Variants in PBRM1 observed in about 807,000 individuals in gnomAD.
PBRM1 encodes the protein polybromo 1, also known as protein polybromo-1.
A neutral mutation model predicts 194.5 loss-of-function variants in PBRM1; 27 were observed. The observed-to-expected ratio is 0.14, with a 90% CI of 0.10 to 0.19. PBRM1 has a LOEUF of 0.19. Ranked by LOEUF, PBRM1 falls within the 10% of genes least tolerant of loss-of-function variation. The pLI is 1.00. For missense variants in PBRM1, 1,466 were observed against 2,077.2 expected, an observed-to-expected ratio of 0.71 and a Z score of 5.72; for synonymous variants, 655 against 693.2, an observed-to-expected ratio of 0.94 and a Z score of 0.87.
At chr3:52,604,586 G>T (rs556613707) in intron 16 of PBRM1, among the ~76,000 whole-genome samples, 1 of 152,062 alleles carries the variant, frequency 6.6e-6, no homozygotes, top group East Asian at 1.9e-4. Context: ...CTAGCTATCC[G>T]GGAAGCTGAG....
intron 18 of PBRM1, 105 bp downstream of exon 20, chr3:52,588,965 G>C: frequency 1.3e-6 from 1 of 745,986 alleles, no homozygotes; most frequent in Non-Finnish European, 2.3e-6. Flanking sequence ...CAATTATTAT[G>C]GAAAGGCTTA....
intron 4 of PBRM1, among the ~76,000 whole-genome samples, chr3:52,658,726 C>T (rs969609050): frequency 1.3e-5 from 2 of 152,142 alleles, no homozygotes; most frequent in South Asian, 4.1e-4. Flanking sequence ...CTTATTTTAA[C>T]TCCAAATTTC....
intron 17 of PBRM1, among the ~76,000 whole-genome samples, chr3:52,595,197 ATTT>A (rs953732217): frequency 2.0e-5 from 3 of 147,048 alleles, no homozygotes; most frequent in African/African-American, 7.5e-5. Context: ...TCCTTTGGCT[ATTT>A]TTTTTTTCAT....
At chr3:52,601,595 G>T (rs1361109083) in intron 17 of PBRM1, among the ~76,000 whole-genome samples, 2 of 152,016 alleles carry the variant, frequency 1.3e-5, no homozygotes, top group African/African-American at 4.8e-5. Flanking sequence ...TGGGGGGTGG[G>T]GAGGAGGTGG....
At chr3:52,584,996 TAATCTTTCCTTTGATCTAATGG>T (rs1247003959) in intron 20 of PBRM1, among the ~76,000 whole-genome samples, 5 of 152,162 alleles carry the variant, frequency 3.3e-5, no homozygotes, top group African/African-American at 1.2e-4. Context: ...CTCTACCAAA[TAATCTTTCCTTTGATCTAATGG>T]AATAATGAAT....
chr3:52,677,094 C>A (rs2154048568), intron 2 of PBRM1, among the ~76,000 whole-genome samples: 1 of 152,238 alleles, frequency 6.6e-6, no homozygotes, highest in African/African-American at 2.4e-5. Context: ...TCCAAGAGAA[C>A]CCTGATTAAT....
intron 27 of PBRM1, 105 bp downstream of exon 29, chr3:52,554,619 G>T (rs2081824880): frequency 1.1e-6 from 1 of 925,444 alleles, no homozygotes; most frequent in Non-Finnish European, 1.6e-6. Flanking sequence ...GGGAGGGAAG[G>T]CCTGGCCACA....
intron 27 of PBRM1, among the ~76,000 whole-genome samples, chr3:52,553,818 C>T (rs919386232): frequency 1.2e-4 from 18 of 152,080 alleles, no homozygotes; most frequent in African/African-American, 4.1e-4. Context: ...CCCGCCACCA[C>T]GCCCAGCTAA....
At chr3:52,618,054 T>G (rs746319303) in intron 13 of PBRM1, among the ~76,000 whole-genome samples, 3 of 152,216 alleles carry the variant, frequency 2.0e-5, no homozygotes, top group Non-Finnish European at 4.4e-5. Flanking sequence ...AAAAGGAGAC[T>G]GCCAGACTAG....
At chr3:52,597,871 T>G (rs572258266) in intron 17 of PBRM1, among the ~76,000 whole-genome samples, 81 of 152,272 alleles carry the variant, frequency 5.3e-4, no homozygotes, top group African/African-American at 1.8e-3. Flanking sequence ...ACCCGGCTAA[T>G]TTTTGTATTT....
At chr3:52,624,754 T>C in intron 13 of PBRM1, 143 bp downstream of exon 15, 1 of 630,524 alleles carries the variant, frequency 1.6e-6, no homozygotes, top group East Asian at 2.7e-5. Context: ...TGTACTGCTT[T>C]CTTTATTCAT....
intron 22 of PBRM1, among the ~76,000 whole-genome samples, chr3:52,576,214 C>T (rs373656871): frequency 6.6e-6 from 1 of 151,510 alleles, no homozygotes; most frequent in Admixed American, 6.6e-5. Flanking sequence ...AAGACATGAA[C>T]AAAAAAAACT....
chr3:52,676,945 AAAG>A (rs1246427237), intron 2 of PBRM1, among the ~76,000 whole-genome samples: 1 of 152,208 alleles, frequency 6.6e-6, no homozygotes, highest in Admixed American at 6.5e-5. Context: ...TGAACTTGAG[AAAG>A]ATGATTTAGG....
intron 13 of PBRM1, 22 bp from the exon 15 acceptor site, chr3:52,624,963 T>C (rs569430859): frequency 1.3e-6 from 2 of 1,529,570 alleles, no homozygotes; most frequent in East Asian, 2.4e-5. Context: ...GAAACAAACA[T>C]TACATGTAAA....
At chr3:52,614,400 C>CAAAAAAAAAAAA (rs1482035931) in intron 15 of PBRM1, among the ~76,000 whole-genome samples, 1 of 98,040 alleles carries the variant, frequency 1.0e-5, no homozygotes, top group African/African-American at 3.4e-5. Context: ...AAAAAAAAAG[C>CAAAAAAAAAAAA]AAAAAAGCTA....
intron 25 of PBRM1, among the ~76,000 whole-genome samples, chr3:52,559,808 G>A (rs1466622735): frequency 1.4e-5 from 2 of 144,874 alleles, no homozygotes; most frequent in Non-Finnish European, 3.0e-5. Context: ...TATGAGAAAC[G>A]AAGGCCATTT....
chr3:52,607,604 G>A (rs1420728070), intron 16 of PBRM1, among the ~76,000 whole-genome samples: 1 of 152,216 alleles, frequency 6.6e-6, no homozygotes, highest in Non-Finnish European at 1.5e-5. Flanking sequence ...GCAGGGAGGA[G>A]AGGAAGGGAG....
At chr3:52,623,785 G>C (rs1202963441) in intron 13 of PBRM1, among the ~76,000 whole-genome samples, 19 of 152,188 alleles carry the variant, frequency 1.2e-4, no homozygotes, top group Admixed American at 1.2e-3. Flanking sequence ...GAACAGCTGG[G>C]ATTGGAATTT....
At chr3:52,643,133 T>C in intron 9 of PBRM1, 115 bp downstream of exon 10, 1 of 777,564 alleles carries the variant, frequency 1.3e-6, no homozygotes, top group Non-Finnish European at 2.3e-6. Context: ...CAGATTCTCA[T>C]TAACAACCAA....
Sources: gnomAD v4.1 joint callset for allele counts (sites outside exome capture counted in the v4.1 genomes callset) on GRCh38, gnomAD v4.1.1 for gene constraint, MANE v1.5 for transcripts, NCBI Gene and HGNC (gene_info 2026-07-23, HGNC 2026-07-21) for gene names.